The following ST13 variants were observed in gnomAD, a reference collection of about 807,000 sequenced individuals.
ST13 encodes the protein ST13 Hsp70 interacting protein, also known as hsc70-interacting protein.
ST13 carries 23 observed loss-of-function variants against 56.7 expected under a neutral mutation model. The observed-to-expected ratio is 0.41, with a 90% confidence interval of 0.29 to 0.57. The LOEUF is 0.57. Among genes scored for constraint, ST13 ranks in the 20% least tolerant of loss-of-function variants. The pLI, the probability that ST13 is intolerant of heterozygous loss-of-function variation, is 0.36. For synonymous variants in ST13, 132 were observed against 142.4 expected (o/e 0.93, Z 0.52); for missense variants, 369 against 459.9 (o/e 0.80, Z 1.81).
intron 10 of ST13, among the ~76,000 whole-genome samples, chr22:40,829,178 C>T (rs1280895844): frequency 6.6e-6 from 1 of 152,210 alleles, no homozygotes; most frequent in Non-Finnish European, 1.5e-5. Flanking sequence ...GACATATAAG[C>T]ATACGTAGCC....
intron 5 of ST13, 63 bp downstream of exon 5, chr22:40,840,563 C>T (rs919658986): frequency 7.1e-7 from 1 of 1,418,122 alleles, no homozygotes; most frequent in African/African-American, 1.4e-5. Flanking sequence ...TACTTTACCA[C>T]TATTTAAGTT....
At position 40,830,802 on chromosome 22, in the gene ST13, C is replaced by T. The variant is rs768225983; in HGVS notation, c.798+38G>A. The T allele has an allele frequency of 1.2e-5, 17 of 1,377,548 alleles. No individual in the cohort carries two copies. The South Asian group carries it at 1.2e-4, about 10-fold the overall frequency. 85.3% of individuals were successfully genotyped at this position (1,377,548 alleles called of 1,614,324 possible). ...GTCCTAATGCCTCTACATAATTTGCCGTATTTTCCTTTCATGGCTTAGCTA... is the reference window on the plus strand; with the variant it reads ...GTCCTAATGCCTCTACATAATTTGCTGTATTTTCCTTTCATGGCTTAGCTA... On this transcript the variant is annotated intron_variant, in intron 9 of 11. Transcript: ENST00000216218.
intron 3 of ST13, among the ~76,000 whole-genome samples, chr22:40,847,378 C>CA (rs71200623): frequency 0.14 from 17,866 of 130,470 alleles, 1,766 homozygotes; most frequent in African/African-American, 0.3. Context: ...CCTGTCTCTA[C>CA]AAAAAAAAAA....
intron 10 of ST13, among the ~76,000 whole-genome samples, chr22:40,828,337 G>T (rs1452910255): frequency 3.9e-5 from 6 of 152,076 alleles, no homozygotes; most frequent in Admixed American, 2.6e-4. Flanking sequence ...GGGCGTGGTG[G>T]CTCAAGCCTA....
chr22:40,850,826 G>C lies in ST13; in HGVS notation c.165C>G (p.Thr55=). 1 of 1,600,770 alleles carries C rather than the reference G, an allele frequency of 6.2e-7. No individual in the cohort carries two copies. Among genetic ancestry groups the C allele is most frequent in the Non-Finnish European group, 8.5e-7 (1 of 1,173,080 alleles). The change falls in exon 2 of 12, where the codon ACC becomes ACG. Residue 55 remains threonine (T), a synonymous_variant. Transcript: ENST00000216218. The stretch of plus-strand genomic sequence containing the variant: ...TACAAATGAAATTAAAACTTACCTT[G>C]GTATTTTCTTCTGATTTAGCTTTCT... ...ATQKAKSEEN[T]KEEKPDSKKV...
At chr22:40,826,714 A>T (rs562655918) in intron 11 of ST13, 48 bp from the exon 12 acceptor site, 2 of 1,595,782 alleles carry the variant, frequency 1.3e-6, no homozygotes, top group African/African-American at 2.7e-5. Context: ...CTACTGGGTC[A>T]GTAAGTTTAT....
chr22:40,843,992 C>T (rs2057818192), intron 4 of ST13, among the ~76,000 whole-genome samples: 1 of 151,936 alleles, frequency 6.6e-6, no homozygotes, highest in Non-Finnish European at 1.5e-5. Context: ...AAGTGATTCT[C>T]CTGCCTCAGC....
chr22:40,834,586 T>C (rs1008249878), intron 7 of ST13, among the ~76,000 whole-genome samples: 3 of 152,194 alleles, frequency 2.0e-5, no homozygotes, highest in Admixed American at 6.5e-5. Flanking sequence ...AGCTGTTCAT[T>C]GAAACGACAG....
In ST13 at chr22:40,856,581, G is replaced by A; in HGVS notation, c.-41C>T. On this transcript the variant is annotated 5_prime_UTR_variant, in exon 1 of 12. Coordinates refer to ENST00000216218, the MANE Select transcript of ST13 (RefSeq NM_003932.5). ...GGCGAAACTGGGGGGGCTACGGCCC[G>A]GTTCCAGGCCCAGGCGCTGGCTCGG... 3 of 1,552,274 alleles carry A rather than the reference G, an allele frequency of 1.9e-6. No homozygotes were observed. Among genetic ancestry groups the A allele is most frequent in the Non-Finnish European group, 2.7e-6 (3 of 1,126,610 alleles).
chr22:40,838,766 AT>A (rs756986721), intron 5 of ST13, among the ~76,000 whole-genome samples: 2 of 152,146 alleles, frequency 1.3e-5, no homozygotes. Flanking sequence ...GTCTCTTAAA[AT>A]TTAGGTGGTA....
chr22:40,831,508 C>T (rs1188981438), intron 8 of ST13, among the ~76,000 whole-genome samples: 1 of 152,140 alleles, frequency 6.6e-6, no homozygotes, highest in Non-Finnish European at 1.5e-5. Flanking sequence ...AATAAATGCT[C>T]TGGATGTTAT....
chr22:40,849,479 CAAAAAA>C (rs57060131), intron 2 of ST13, among the ~76,000 whole-genome samples: 2 of 55,104 alleles, frequency 3.6e-5, no homozygotes, highest in African/African-American at 1.1e-4. Context: ...GACTCTGTCT[CAAAAAA>C]AAAAAAAAAA....
At chr22:40,831,097 C>G in intron 8 of ST13, 141 bp from the exon 9 acceptor site, 1 of 610,684 alleles carries the variant, frequency 1.6e-6, no homozygotes. Context: ...AGACCTAACA[C>G]AAGCTAAGCC....
Position 40,827,174 on chromosome 22 carries a change from T to C in ST13, c.903A>G (p.Gly301=). The change falls in exon 11 of 12, where the codon GGA becomes GGG. Residue 301 remains glycine, a synonymous_variant. Coordinates refer to ENST00000216218, the MANE Select transcript of ST13 (RefSeq NM_003932.5). ...TTCCAGCCATTCCAGGCATGCCCCC[T>C]CCCATTCCAGGCATTCCTCCGGGAA... ...GNFPGGMPGM[G]GGMPGMAGMP... The C allele has an allele frequency of 6.2e-7, 1 of 1,612,872 alleles. No homozygotes were observed. The highest frequency in any genetic ancestry group is 2.2e-5 in the East Asian group (1 of 44,876).
intron 1 of ST13, among the ~76,000 whole-genome samples, chr22:40,856,112 G>T (rs1306155670): frequency 6.6e-6 from 1 of 152,076 alleles, no homozygotes; most frequent in Non-Finnish European, 1.5e-5. Context: ...ACAACCCCAC[G>T]CAAAATCTAA....
At chr22:40,831,163 T>C (rs1181155442) in intron 8 of ST13, among the ~76,000 whole-genome samples, 1 of 152,210 alleles carries the variant, frequency 6.6e-6, no homozygotes, top group Non-Finnish European at 1.5e-5. Context: ...TAAAGGGGCC[T>C]GGGATTTGAA....
intron 11 of ST13, 109 bp from the exon 12 acceptor site, chr22:40,826,775 T>A: frequency 1.5e-6 from 2 of 1,297,018 alleles, no homozygotes; most frequent in Non-Finnish European, 2.1e-6. Flanking sequence ...GATAGTTAAG[T>A]TAAATGGGGT....
intron 5 of ST13, among the ~76,000 whole-genome samples, chr22:40,838,213 T>G (rs1356996587): frequency 6.6e-6 from 1 of 152,162 alleles, no homozygotes; most frequent in Non-Finnish European, 1.5e-5. Context: ...GGCTCCATAC[T>G]CCAGGTTTTA....
chr22:40,844,222 C>T (rs1446454258), intron 4 of ST13, among the ~76,000 whole-genome samples: 2 of 152,102 alleles, frequency 1.3e-5, no homozygotes, highest in Admixed American at 6.6e-5. Context: ...GATACCATTT[C>T]CCACAATACT....
Sources: allele counts gnomAD v4.1 joint callset (sites outside exome capture counted in the v4.1 genomes callset), GRCh38; gene constraint gnomAD v4.1.1; transcripts MANE v1.5; gene names NCBI Gene and HGNC (gene_info 2026-07-23, HGNC 2026-07-21).